SORL1: variants seen among roughly 807,000 people sequenced by gnomAD.
SORL1 encodes sortilin related receptor 1, also known as sortilin-related receptor.
Under a neutral mutation model 273.7 loss-of-function variants are expected in SORL1, and 127 were observed. That is an observed-to-expected ratio of 0.46 (90% CI 0.40 to 0.54). The LOEUF is 0.54. SORL1 is among the 20% of genes least tolerant of loss of function. SORL1 has a pLI of 0.00. For synonymous variants in SORL1, 1,031 were observed against 1,067.4 expected (o/e 0.97, Z 0.66); for missense variants, 2,494 against 2,846.1 (o/e 0.88, Z 2.81).
rs1004840426 is a variant in SORL1, at chr11:121,569,654, G to C, written c.3224-503G>C. ...GACTGGTTGTCTGCTCTCAAACTCT[G>C]TCTCCTGATAAGATGTTATCAGTGA... On this transcript the variant is annotated intron_variant, in intron 22 of 47. Coordinates refer to ENST00000260197, the MANE Select transcript of SORL1 (RefSeq NM_003105.6). Among the ~76,000 whole-genome samples the C allele has an allele frequency of 4.6e-5, 7 of 152,144 alleles. No individual in the cohort carries two copies. In the East Asian group the frequency reaches 1.3e-3, roughly 29 times the overall value.
intron 1 of SORL1, among the ~76,000 whole-genome samples, chr11:121,457,184 G>A (rs142575184): frequency 6.6e-6 from 1 of 152,182 alleles, no homozygotes; most frequent in Non-Finnish European, 1.5e-5. Flanking sequence ...ATGGTTAGAG[G>A]CACAGAAGGT....
chr11:121,516,342 A>G (rs1354941822), intron 8 of SORL1, among the ~76,000 whole-genome samples: 2 of 152,202 alleles, frequency 1.3e-5, no homozygotes, highest in Non-Finnish European at 2.9e-5. Flanking sequence ...ATTTGTTGAT[A>G]GATGGGACGA....
At chr11:121,462,944 C>T (rs905067163) in intron 1 of SORL1, among the ~76,000 whole-genome samples, 9 of 152,196 alleles carry the variant, frequency 5.9e-5, no homozygotes, top group African/African-American at 1.7e-4. Context: ...TGACTGAACG[C>T]GGTGAGGGGC....
At position 121,520,671 on chromosome 11, in the gene SORL1, A is replaced by C; in HGVS notation, c.1226A>C (p.Glu409Ala). Residue 409 changes from glutamate (E) to alanine (A), a missense_variant, in exon 9 of 48, where the codon GAA (glutamate) becomes GCA (alanine). Around this residue, in one of 3 missense-constraint regions of SORL1, gnomAD observed 710 missense variants for 882.5 expected, o/e 0.80. Coordinates refer to ENST00000260197, the MANE Select transcript of SORL1 (RefSeq NM_003105.6). ...TCATATTGTAGGTATTTTGCAAATG[A>C]ACCATTTGCTGACTTCCACCGAGTG... ...SDTLVRYFAN[E>A]PFADFHRVEG... 1 of 1,568,982 alleles carries C rather than the reference A, an allele frequency of 6.4e-7. No homozygotes were observed. Among genetic ancestry groups the C allele is most frequent in the Non-Finnish European group, 8.6e-7 (1 of 1,158,882 alleles).
chr11:121,544,333 A>C (rs761648714), intron 13 of SORL1, among the ~76,000 whole-genome samples: 8 of 152,076 alleles, frequency 5.3e-5, no homozygotes, highest in Non-Finnish European at 1.2e-4. Flanking sequence ...TTCATATCTC[A>C]GGATCCAACA....
rs1863857212 is a variant in SORL1 at position 121,630,301 on chromosome 11, A to G, written c.*738A>G. 1 of 152,192 alleles carries G rather than the reference A, an allele frequency of 6.6e-6. No homozygotes were observed. The highest frequency in any genetic ancestry group is 2.4e-5 in the African/African-American group (1 of 41,434). The allele number at this position is 152,192 out of a possible 1,614,324, so 9.4% of individuals were successfully genotyped here. On this transcript the variant is annotated 3_prime_UTR_variant, in exon 48 of 48. Coordinates refer to ENST00000260197, the MANE Select transcript of SORL1 (RefSeq NM_003105.6). ...GTAAGCCCACAGCTTCCTCTCTTATATTAATTGATGGAATTTTACTGTATG... is the reference window on the plus strand; with the variant it reads ...GTAAGCCCACAGCTTCCTCTCTTATGTTAATTGATGGAATTTTACTGTATG...
Position 121,614,789 on chromosome 11 carries a change from T to A in SORL1, c.5420-82T>A, listed in dbSNP as rs1415656407. The stretch of plus-strand genomic sequence containing the variant: ...TAAGTCAAGAGATTACTATTTTTTT[T>A]TAAAAAAGTGCATGTACCAAGACAC... On this transcript the variant is annotated intron_variant, in intron 40 of 47. Coordinates refer to ENST00000260197, the MANE Select transcript of SORL1 (RefSeq NM_003105.6). 4 of 1,109,654 alleles carry A rather than the reference T, an allele frequency of 3.6e-6. No homozygotes were observed. In the African/African-American group the frequency reaches 4.7e-5, roughly 13 times the overall value. 68.7% of individuals were successfully genotyped at this position (1,109,654 alleles called of 1,614,324 possible).
intron 12 of SORL1, among the ~76,000 whole-genome samples, chr11:121,539,093 A>G (rs1862309579): frequency 6.6e-6 from 1 of 152,232 alleles, no homozygotes. Flanking sequence ...TGTGAGAACT[A>G]GAAGTCTTAT....
chr11:121,507,402 T>G (rs1367509600), intron 6 of SORL1, among the ~76,000 whole-genome samples: 1 of 152,180 alleles, frequency 6.6e-6, no homozygotes, highest in Non-Finnish European at 1.5e-5. Flanking sequence ...TTTGGTAATG[T>G]GTATGTCAGG....
intron 1 of SORL1, among the ~76,000 whole-genome samples, chr11:121,461,551 G>A (rs1861001580): frequency 6.6e-6 from 1 of 152,214 alleles, no homozygotes; most frequent in Non-Finnish European, 1.5e-5. Context: ...TGGTGAAGAA[G>A]CCACTGGTAG....
chr11:121,598,409 G>A (rs1000287299), intron 32 of SORL1, among the ~76,000 whole-genome samples: 1 of 152,172 alleles, frequency 6.6e-6, no homozygotes, highest in East Asian at 1.9e-4. Flanking sequence ...CCAGCTATGT[G>A]GGGGTTACTG....
chr11:121,458,353 T>C (rs1860940350), intron 1 of SORL1, among the ~76,000 whole-genome samples: 1 of 152,214 alleles, frequency 6.6e-6, no homozygotes, highest in Admixed American at 6.5e-5. Flanking sequence ...TAAAAATGTA[T>C]TAAATGTTTT....
At chr11:121,480,882 T>C (rs7926132) in intron 3 of SORL1, among the ~76,000 whole-genome samples, 110 of 114,056 alleles carry the variant, frequency 9.6e-4, no homozygotes, top group Non-Finnish European at 1.2e-3. Context: ...TTCCCCAGCT[T>C]CTTCCGTAGT....
At chr11:121,481,266 C>G (rs1861380158) in intron 3 of SORL1, among the ~76,000 whole-genome samples, 1 of 114,542 alleles carries the variant, frequency 8.7e-6, no homozygotes, top group Non-Finnish European at 1.8e-5. Context: ...AGCTCCTCCC[C>G]TAGTGCACAG....
intron 5 of SORL1, among the ~76,000 whole-genome samples, chr11:121,496,518 T>A (rs1861631518): frequency 1.3e-5 from 2 of 152,250 alleles, no homozygotes; most frequent in East Asian, 1.9e-4. Context: ...CTGAGATTCA[T>A]AACTTTAGAC....
At chr11:121,526,647 A>G (rs554838754) in intron 11 of SORL1, among the ~76,000 whole-genome samples, 2 of 152,190 alleles carry the variant, frequency 1.3e-5, no homozygotes, top group African/African-American at 4.8e-5. Flanking sequence ...GTAGTTTCCA[A>G]TGTAGAGGTC....
chr11:121,566,760 G>T, intron 21 of SORL1, 180 bp from the exon 22 acceptor site: 1 of 581,326 alleles, frequency 1.7e-6, no homozygotes, highest in South Asian at 2.2e-5. Flanking sequence ...GCAAGTCACT[G>T]GTTATACTGA....
chr11:121,467,333 A>C (rs1861099360), intron 1 of SORL1, among the ~76,000 whole-genome samples: 1 of 152,158 alleles, frequency 6.6e-6, no homozygotes, highest in Non-Finnish European at 1.5e-5. Context: ...GGGATTGGTG[A>C]GGAGGTCTCC....
chr11:121,470,148 A>C (rs772676860), intron 2 of SORL1, 25 bp downstream of exon 2: 2 of 1,502,190 alleles, frequency 1.3e-6, no homozygotes, highest in Non-Finnish European at 1.9e-6. Context: ...GGCTCTGGGC[A>C]CACCTTGGTG....
Sources: gnomAD v4.1 joint callset for allele counts (sites outside exome capture counted in the v4.1 genomes callset) on GRCh38, gnomAD v4.1.1 for gene constraint, gnomAD v4.1.1 regional missense constraint, MANE v1.5 for transcripts, NCBI Gene and HGNC (gene_info 2026-07-23, HGNC 2026-07-21) for gene names.